ACAD11: variants seen among roughly 807,000 people sequenced by gnomAD.
ACAD11 encodes the protein acyl-CoA dehydrogenase family member 11, also known as acyl-Coenzyme A dehydrogenase family, member 11.
In ACAD11, 83 loss-of-function variants were observed where a neutral mutation model predicts 102.2. That is an observed-to-expected ratio of 0.81 (90% confidence interval 0.68 to 0.97). ACAD11 has a LOEUF of 0.97. Among genes scored for constraint, ACAD11 ranks in the 50% least tolerant of loss-of-function variants. The pLI, the probability that ACAD11 is intolerant of heterozygous loss-of-function variation, is 0.00. For missense variants in ACAD11, 901 were observed against 951.7 expected (o/e 0.95, Z 0.70); for synonymous variants, 324 against 319.8 (o/e 1.01, Z -0.14).
At chr3:132,624,631 C>T (rs1346669421) in intron 9 of ACAD11, among the ~76,000 whole-genome samples, 3 of 150,574 alleles carry the variant, frequency 2.0e-5, no homozygotes, top group East Asian at 3.9e-4. Flanking sequence ...CATGGAGGAC[C>T]CTCCTCTAGG....
At chr3:132,565,644 A>G (rs940297352) in intron 17 of ACAD11, among the ~76,000 whole-genome samples, 5 of 152,218 alleles carry the variant, frequency 3.3e-5, no homozygotes, top group Admixed American at 6.5e-5. Context: ...GTCTCCTCCA[A>G]ATCGCATATT....
chr3:132,636,682 T>C (rs1576611531), intron 5 of ACAD11, among the ~76,000 whole-genome samples: 5 of 152,134 alleles, frequency 3.3e-5, no homozygotes, highest in Admixed American at 3.3e-4. Flanking sequence ...TGTATGCAGG[T>C]CAAAAACAAA....
chr3:132,634,359 C>T (rs1051560998), intron 5 of ACAD11, among the ~76,000 whole-genome samples: 77 of 152,220 alleles, frequency 5.1e-4, no homozygotes, highest in African/African-American at 1.8e-3. Context: ...CAGTGAGATA[C>T]CATCTCACAC....
intron 13 of ACAD11, chr3:132,600,674 A>T (rs1938537988): frequency 6.2e-7 from 1 of 1,613,494 alleles, no homozygotes; most frequent in South Asian, 1.1e-5. Context: ...CCTTCTATTC[A>T]CTCTGCCTTT....
At position 132,611,092 on chromosome 3, in the gene ACAD11, C is replaced by A. The variant is rs577582122; in HGVS notation, c.1415-5887G>T. Among the ~76,000 whole-genome samples the A allele has an allele frequency of 2.1e-4, 32 of 152,164 alleles. 1 individual carries two copies. The South Asian group carries it at 6.4e-3, about 31-fold the overall frequency. On this transcript the variant is annotated intron_variant, in intron 11 of 19. Coordinates refer to ENST00000264990, the MANE Select transcript of ACAD11 (RefSeq NM_032169.5). ...ACATACGCAAATCAGTAAACGTAAT[C>A]CAGCATATAAACAGAACCAAAAACA...
intron 13 of ACAD11, among the ~76,000 whole-genome samples, chr3:132,586,429 C>T (rs1937831055): frequency 6.6e-6 from 1 of 151,878 alleles, no homozygotes; most frequent in South Asian, 2.1e-4. Context: ...CAACATGGCA[C>T]ATGTATACAT....
At chr3:132,588,193 G>A (rs1007455422) in intron 13 of ACAD11, among the ~76,000 whole-genome samples, 1 of 84,084 alleles carries the variant, frequency 1.2e-5, no homozygotes, top group Non-Finnish European at 2.3e-5. Flanking sequence ...AGGCAGGCAG[G>A]TATGTATGTA....
chr3:132,595,021 G>C (rs972911820), intron 13 of ACAD11, among the ~76,000 whole-genome samples: 4 of 152,166 alleles, frequency 2.6e-5, no homozygotes, highest in Non-Finnish European at 5.9e-5. Context: ...AATACAGGGT[G>C]AAAGACAAAT....
In ACAD11 at chr3:132,632,086, A is replaced by AT. The variant is rs67471074; in HGVS notation, c.703-608dup. ...GTATCAAGGGAATATATATATATGTATTTTTTTTTTTTTTTGAGACGGAGT... is the reference window on the plus strand; with the variant it reads ...GTATCAAGGGAATATATATATATGTATTTTTTTTTTTTTTTTGAGACGGAGT... On this transcript the variant is annotated intron_variant, in intron 5 of 19. Transcript: ENST00000264990. Among the ~76,000 whole-genome samples the AT allele has an allele frequency of 3.8e-3, 541 of 141,748 alleles. 2 individuals are homozygous for AT. The highest frequency in any genetic ancestry group is 0.011 in the African/African-American group (422 of 38,016). The allele number at this position is 141,748 out of a possible 152,430, so 93.0% of individuals were successfully genotyped here.
At chr3:132,613,134 C>G (rs1328130759) in intron 11 of ACAD11, among the ~76,000 whole-genome samples, 1 of 151,618 alleles carries the variant, frequency 6.6e-6, no homozygotes, top group Admixed American at 6.6e-5. Context: ...GGACAAAAAA[C>G]CAAACACTGC....
intron 17 of ACAD11, among the ~76,000 whole-genome samples, chr3:132,570,056 C>A (rs1937332115): frequency 6.6e-6 from 1 of 152,174 alleles, no homozygotes; most frequent in Admixed American, 6.5e-5. Context: ...AAAATTGGTA[C>A]TTGCTTCTTG....
At chr3:132,613,212 T>A (rs1939241223) in intron 11 of ACAD11, among the ~76,000 whole-genome samples, 1 of 148,576 alleles carries the variant, frequency 6.7e-6, no homozygotes, top group Non-Finnish European at 1.5e-5. Context: ...AACATCACAC[T>A]CTGGGGACTG....
At chr3:132,615,356 C>A (rs1015062155) in intron 11 of ACAD11, among the ~76,000 whole-genome samples, 3 of 152,172 alleles carry the variant, frequency 2.0e-5, no homozygotes, top group Non-Finnish European at 4.4e-5. Context: ...AATCATTCTA[C>A]TATAAAGACA....
chr3:132,621,146 G>A (rs1033417275), intron 9 of ACAD11: 2 of 152,128 alleles, frequency 1.3e-5, no homozygotes, highest in Non-Finnish European at 2.9e-5. Context: ...AAAAGTTTTC[G>A]GAACTGATAA....
At chr3:132,583,101 A>T (rs1205310563) in intron 13 of ACAD11, among the ~76,000 whole-genome samples, 1 of 152,038 alleles carries the variant, frequency 6.6e-6, no homozygotes, top group South Asian at 2.1e-4. Context: ...TTTTCTATTG[A>T]TTGGAATAGT....
intron 1 of ACAD11, among the ~76,000 whole-genome samples, chr3:132,655,735 A>G (rs1937756610): frequency 1.3e-5 from 2 of 152,186 alleles, no homozygotes; most frequent in Admixed American, 1.3e-4. Flanking sequence ...TACAAATACA[A>G]TGGAAGTTCC....
At chr3:132,599,289 C>G (rs561081052) in intron 13 of ACAD11, among the ~76,000 whole-genome samples, 1 of 152,002 alleles carries the variant, frequency 6.6e-6, no homozygotes, top group Non-Finnish European at 1.5e-5. Context: ...AGGTGGATCA[C>G]GAGGTCAGGA....
intron 13 of ACAD11, among the ~76,000 whole-genome samples, chr3:132,595,591 T>C (rs1402528925): frequency 2.0e-5 from 3 of 151,870 alleles, no homozygotes; most frequent in African/African-American, 7.3e-5. Flanking sequence ...TATAAGAAAT[T>C]TAAATTTACA....
chr3:132,576,863 C>G lies in ACAD11; in HGVS notation c.1846+81G>C, dbSNP rs894065530. ...ATCAAGGTAGACTTCAGGTCTAAATCTGGAAAGACTTATCTTTTCCAGATT... is the reference window on the plus strand; with the variant it reads ...ATCAAGGTAGACTTCAGGTCTAAATGTGGAAAGACTTATCTTTTCCAGATT... On this transcript the variant is annotated intron_variant, in intron 16 of 19. Transcript: ENST00000264990. The G allele has an allele frequency of 2.9e-6, 3 of 1,044,990 alleles. No homozygotes were observed. The Admixed American group carries it at 6.6e-5, about 23-fold the overall frequency. 64.7% of individuals were successfully genotyped at this position (1,044,990 alleles called of 1,614,324 possible). A position where few individuals can be genotyped will look rare whatever the true frequency, so the allele number is the denominator to read the frequency against.
Sources: allele counts gnomAD v4.1 joint callset (sites outside exome capture counted in the v4.1 genomes callset), GRCh38; gene constraint gnomAD v4.1.1; transcripts MANE v1.5; gene names NCBI Gene and HGNC (gene_info 2026-07-23, HGNC 2026-07-21).